LIMS4: variants seen among roughly 807,000 people sequenced by gnomAD.
LIMS4 encodes the protein LIM zinc finger domain containing 4.
At chr2:110,371,177 T>C in the LIMS4 span, among the ~76,000 whole-genome samples, 8 of 107,838 alleles carry the variant, frequency 7.4e-5, no homozygotes, top group Non-Finnish European at 1.4e-4. Flanking sequence ...TTGTTAAACA[T>C]AGGTCTGAGC....
At chr2:110,411,546 C>T in the LIMS4 span, among the ~76,000 whole-genome samples, 2 of 137,404 alleles carry the variant, frequency 1.5e-5, no homozygotes, top group African/African-American at 3.3e-5. Flanking sequence ...CCAGTGAGGC[C>T]ACTTGTCCAC....
At chr2:110,385,601 G>A in the LIMS4 span, among the ~76,000 whole-genome samples, 1 of 66,614 alleles carries the variant, frequency 1.5e-5, no homozygotes, top group African/African-American at 8.6e-5. Context: ...ACTTGGCCGG[G>A]GCCGGGCGCG....
At chr2:110,382,027 A>G in the LIMS4 span, among the ~76,000 whole-genome samples, 3 of 74,060 alleles carry the variant, frequency 4.1e-5, no homozygotes, top group African/African-American at 6.9e-5. Flanking sequence ...AGATCGTGCC[A>G]CTGCACTCCA....
the LIMS4 span, among the ~76,000 whole-genome samples, chr2:110,411,514 T>C: frequency 7.3e-6 from 1 of 136,752 alleles, no homozygotes; most frequent in Non-Finnish European, 1.5e-5. Flanking sequence ...TCCCCAGTGA[T>C]GCTACAAACA....
the LIMS4 span, among the ~76,000 whole-genome samples, chr2:110,419,675 A>G: frequency 7.3e-5 from 3 of 40,912 alleles, 1 homozygote; most frequent in African/African-American, 3.7e-4. Flanking sequence ...AAAAAAAAAA[A>G]AAGAAAAAGA....
At chr2:110,410,566 TA>T in the LIMS4 span, among the ~76,000 whole-genome samples, 2 of 115,464 alleles carry the variant, frequency 1.7e-5, no homozygotes, top group African/African-American at 3.7e-5. Flanking sequence ...AGAAAACATA[TA>T]GGGGTGACTG....
chr2:110,375,333 C>T, the LIMS4 span: 3 of 97,702 alleles, frequency 3.1e-5, no homozygotes, highest in East Asian at 6.8e-4. Flanking sequence ...GCCCACTTTC[C>T]CCATCTCATC....
At chr2:110,390,308 A>T in the LIMS4 span, among the ~76,000 whole-genome samples, 2 of 141,396 alleles carry the variant, frequency 1.4e-5, no homozygotes, top group African/African-American at 5.9e-5. Context: ...CCAGTGTGGG[A>T]GCCTCAGGTC....
the LIMS4 span, chr2:110,397,289 T>C: frequency 1.4e-5 from 2 of 138,524 alleles, no homozygotes; most frequent in South Asian, 2.4e-4. Context: ...CTGAGAGTCA[T>C]ACTTTTGTCT....
At chr2:110,371,237 GAAAAAAA>G in the LIMS4 span, among the ~76,000 whole-genome samples, 2 of 84,214 alleles carry the variant, frequency 2.4e-5, no homozygotes, top group African/African-American at 5.8e-5. Context: ...CTATTAATGA[GAAAAAAA>G]AAAAAAAAAA....
At chr2:110,367,004 A>G in the LIMS4 span, among the ~76,000 whole-genome samples, 1 of 150,654 alleles carries the variant, frequency 6.6e-6, no homozygotes. Flanking sequence ...AATAAAGGGA[A>G]CCAGGGAGGT....
At chr2:110,382,695 GA>G in the LIMS4 span, 1 of 69,412 alleles carries the variant, frequency 1.4e-5, no homozygotes, top group Non-Finnish European at 2.6e-5. Context: ...ACAAGCTACT[GA>G]TACATACCAT....
chr2:110,447,478 C>A (rs111799257), intron 8 of LIMS4, among the ~76,000 whole-genome samples: 1 of 31,688 alleles, frequency 3.2e-5, no homozygotes, highest in Non-Finnish European at 7.7e-5. Flanking sequence ...TTTTTTGAGA[C>A]AGAGTCTCGC....
At chr2:110,371,295 T>C in the LIMS4 span, among the ~76,000 whole-genome samples, 1 of 123,276 alleles carries the variant, frequency 8.1e-6, no homozygotes, top group African/African-American at 4.0e-5. Context: ...ATCTGGTTAT[T>C]TTGAAACATT....
the LIMS4 span, among the ~76,000 whole-genome samples, chr2:110,372,747 C>T: frequency 2.0e-5 from 3 of 148,926 alleles, no homozygotes; most frequent in South Asian, 2.1e-4. Context: ...CTCAAGTGAG[C>T]CACCTGCTTC....
chr2:110,371,179 G>C, the LIMS4 span, among the ~76,000 whole-genome samples: 5 of 110,320 alleles, frequency 4.5e-5, no homozygotes, highest in Admixed American at 1.9e-4. Context: ...GTTAAACATA[G>C]GTCTGAGCCT....
the LIMS4 span, chr2:110,386,559 G>A: frequency 1.7e-6 from 1 of 578,416 alleles, no homozygotes; most frequent in East Asian, 3.0e-5. Context: ...AAGGGCAGAG[G>A]CCCAGGGACA....
At chr2:110,382,101 ATATATATATATATAT>A in the LIMS4 span, among the ~76,000 whole-genome samples, 11 of 17,546 alleles carry the variant, frequency 6.3e-4, no homozygotes, top group South Asian at 2.9e-3. Context: ...AAAAAAAAAT[ATATATATATATATAT>A]ATATATATAT....
the LIMS4 span, chr2:110,362,126 T>G: frequency 1.4e-6 from 1 of 737,110 alleles, no homozygotes; most frequent in Non-Finnish European, 2.4e-6. Context: ...ATCTGGCAGA[T>G]AGTACAAGTC....
Sources: allele counts gnomAD v4.1 joint callset (sites outside exome capture counted in the v4.1 genomes callset), GRCh38; gene constraint gnomAD v4.1.1; transcripts MANE v1.5; gene names NCBI Gene and HGNC (gene_info 2026-07-23, HGNC 2026-07-21).